Variants in PPFIBP2 observed in about 807,000 individuals in gnomAD.
PPFIBP2 encodes PPFIB scaffold protein 2.
A neutral mutation model predicts 118.3 loss-of-function variants in PPFIBP2; 118 were observed. That is an observed-to-expected ratio of 1.00 (90% confidence interval 0.86 to 1.16). The LOEUF is 1.16. PPFIBP2 is among the 50% of genes most tolerant of loss of function. PPFIBP2 has a pLI of 0.00. For missense variants in PPFIBP2, 1,195 were observed against 1,073.1 expected, an observed-to-expected ratio of 1.11 and a Z score of -1.59; for synonymous variants, 414 against 397.4, an observed-to-expected ratio of 1.04 and a Z score of -0.50.
rs1266907249 is a variant in PPFIBP2, at chr11:7,648,380, T to G, written c.1647-7T>G. The G allele has an allele frequency of 6.2e-7, 1 of 1,608,186 alleles. No homozygotes were observed. The highest frequency in any genetic ancestry group is 8.5e-7 in the Non-Finnish European group (1 of 1,175,138). ...TAACAGGAATATGCTGTTTTCCTGC[T>G]TCCCAGTGACGCCAATGCCCCCTTT... On this transcript the variant is annotated splice_polypyrimidine_tract_variant and splice_region_variant and intron_variant, in intron 17 of 23. Transcript: ENST00000299492.
chr11:7,544,054 T>TA (rs1477707034), intron 1 of PPFIBP2, among the ~76,000 whole-genome samples: 1 of 152,202 alleles, frequency 6.6e-6, no homozygotes. Context: ...TTAAGTCCTG[T>TA]AATGAGCAGG....
At chr11:7,534,266 T>C (rs763454212) in intron 1 of PPFIBP2, among the ~76,000 whole-genome samples, 3 of 152,210 alleles carry the variant, frequency 2.0e-5, no homozygotes, top group Non-Finnish European at 4.4e-5. Context: ...GTTAGCCTGT[T>C]ACTATAAAAA....
In PPFIBP2 at chr11:7,604,557, A is replaced by C. The variant is rs1295419385; in HGVS notation, c.487-5734A>C. Among the ~76,000 whole-genome samples the C allele has an allele frequency of 2.7e-4, 36 of 135,530 alleles. 1 individual carries two copies. The highest frequency in any genetic ancestry group is 9.3e-4 in the African/African-American group (32 of 34,472). 88.9% of individuals were successfully genotyped at this position (135,530 alleles called of 152,430 possible). A position where few individuals can be genotyped will look rare whatever the true frequency, so the allele number is the denominator to read the frequency against. On this transcript the variant is annotated intron_variant, in intron 5 of 23. Transcript: ENST00000299492. ...TACTCACCCAGCCATACACACACACACCCCACACACACACCTACTCACCCA... is the reference window on the plus strand; with the variant it reads ...TACTCACCCAGCCATACACACACACCCCCCACACACACACCTACTCACCCA...
chr11:7,620,484 T>A (rs1849213768), intron 6 of PPFIBP2, among the ~76,000 whole-genome samples: 1 of 152,188 alleles, frequency 6.6e-6, no homozygotes, highest in Admixed American at 6.5e-5. Context: ...CCTTTCAGGA[T>A]CACAGGCCCC....
At chr11:7,604,589 C>T (rs1482214537) in intron 5 of PPFIBP2, among the ~76,000 whole-genome samples, 1 of 151,080 alleles carries the variant, frequency 6.6e-6, no homozygotes, top group Non-Finnish European at 1.5e-5. Flanking sequence ...CCCACCCATC[C>T]ACACACACAC....
At chr11:7,543,227 T>A (rs1287572863) in intron 1 of PPFIBP2, among the ~76,000 whole-genome samples, 1 of 152,252 alleles carries the variant, frequency 6.6e-6, no homozygotes, top group African/African-American at 2.4e-5. Context: ...CTCTTAAGCT[T>A]AGGGATAGCA....
At chr11:7,653,878 T>G, downstream of PPFIBP2, 1 of 1,008,670 alleles carries the variant, frequency 9.9e-7, no homozygotes, top group Non-Finnish European at 1.3e-6. Flanking sequence ...CTCAGCCAGG[T>G]GCATGCTCAG....
the PPFIBP2 span, among the ~76,000 whole-genome samples, chr11:7,663,942 C>A: frequency 4.6e-5 from 7 of 152,278 alleles, no homozygotes; most frequent in African/African-American, 7.2e-5. Context: ...TTCTTTGACT[C>A]GGAAAGGGAA....
intron 2 of PPFIBP2, among the ~76,000 whole-genome samples, chr11:7,559,113 T>A (rs1214597638): frequency 2.0e-5 from 3 of 152,204 alleles, no homozygotes; most frequent in African/African-American, 7.2e-5. Context: ...ATATTTGTGC[T>A]ACTCTAAATA....
At chr11:7,601,643 C>T (rs1672698959) in intron 5 of PPFIBP2, among the ~76,000 whole-genome samples, 1 of 152,150 alleles carries the variant, frequency 6.6e-6, no homozygotes, top group Admixed American at 6.5e-5. Context: ...CTGGATTGCC[C>T]AGGAAACTTT....
intron 5 of PPFIBP2, among the ~76,000 whole-genome samples, chr11:7,607,293 A>G (rs1247339282): frequency 2.0e-5 from 3 of 147,254 alleles, no homozygotes; most frequent in Non-Finnish European, 4.5e-5. Context: ...CTGCAGCCTC[A>G]ACCTCCCAGG....
chr11:7,666,205 T>A, the PPFIBP2 span: 1 of 580,844 alleles, frequency 1.7e-6, no homozygotes. Flanking sequence ...TCCCTTTTGA[T>A]GTTCAGTGCA....
intron 1 of PPFIBP2, among the ~76,000 whole-genome samples, chr11:7,547,780 G>A (rs936105946): frequency 1.3e-5 from 2 of 152,076 alleles, no homozygotes; most frequent in East Asian, 3.9e-4. Context: ...CTGTGCAGTG[G>A]TTCTTGACCC....
chr11:7,663,626 G>A, the PPFIBP2 span, among the ~76,000 whole-genome samples: 1 of 152,250 alleles, frequency 6.6e-6, no homozygotes, highest in Non-Finnish European at 1.5e-5. Context: ...GCCCCCAGAG[G>A]TGGAGCCTAC....
At chr11:7,594,098 C>T (rs1859843931) in intron 4 of PPFIBP2, among the ~76,000 whole-genome samples, 1 of 152,166 alleles carries the variant, frequency 6.6e-6, no homozygotes, top group Non-Finnish European at 1.5e-5. Flanking sequence ...TGGGCTTTAG[C>T]TTGGAGCACT....
downstream of PPFIBP2, chr11:7,653,847 C>A (rs550332612): frequency 1.7e-6 from 2 of 1,145,194 alleles, no homozygotes; most frequent in East Asian, 1.2e-4. Context: ...AGCTGAAGAG[C>A]CGGTGGCACT....
At chr11:7,587,088 G>A (rs1858346996) in intron 3 of PPFIBP2, among the ~76,000 whole-genome samples, 1 of 152,156 alleles carries the variant, frequency 6.6e-6, no homozygotes, top group African/African-American at 2.4e-5. Flanking sequence ...CCATGGGCCT[G>A]TTGCATCTTG....
downstream of PPFIBP2, among the ~76,000 whole-genome samples, chr11:7,657,372 C>A (rs768392750): frequency 6.6e-6 from 1 of 152,136 alleles, no homozygotes; most frequent in East Asian, 1.9e-4. Flanking sequence ...CACTGCCTGA[C>A]TCTATCTCCC....
chr11:7,615,765 G>C (rs1848565913), intron 6 of PPFIBP2, among the ~76,000 whole-genome samples: 1 of 152,196 alleles, frequency 6.6e-6, no homozygotes, highest in South Asian at 2.1e-4. Context: ...TTGAGAGAAA[G>C]TGGTCATTGT....
Sources: allele counts gnomAD v4.1 joint callset (sites outside exome capture counted in the v4.1 genomes callset), GRCh38; gene constraint gnomAD v4.1.1; transcripts MANE v1.5; gene names NCBI Gene and HGNC (gene_info 2026-07-23, HGNC 2026-07-21).